Variants in RAPGEFL1 observed in about 807,000 individuals in gnomAD.
RAPGEFL1 encodes rap guanine nucleotide exchange factor-like 1.
Under a neutral mutation model 64.4 loss-of-function variants are expected in RAPGEFL1, and 31 were observed. The observed-to-expected ratio is 0.48, with a 90% CI of 0.36 to 0.65. The LOEUF is 0.65. RAPGEFL1 is among the 30% of genes least tolerant of loss of function. The pLI is 0.00. For missense variants in RAPGEFL1, 682 were observed against 677.4 expected (o/e 1.01, Z -0.08); for synonymous variants, 331 against 274.1 (o/e 1.21, Z -2.05).
At chr17:40,192,584 T>C (rs1249557610) in intron 11 of RAPGEFL1, 22 bp from the exon 12 acceptor site, 1 of 1,595,858 alleles carries the variant, frequency 6.3e-7, no homozygotes, top group Non-Finnish European at 8.6e-7. Context: ...TGTCCCTTGA[T>C]CTCTCTCCTG....
chr17:40,180,103 T>C (rs1989849008), intron 1 of RAPGEFL1, among the ~76,000 whole-genome samples: 1 of 152,164 alleles, frequency 6.6e-6, no homozygotes, highest in Non-Finnish European at 1.5e-5. Flanking sequence ...CTTCCTTTGC[T>C]CCAGCTTAGG....
chr17:40,192,025 C>CCT (rs776818751), intron 10 of RAPGEFL1, among the ~76,000 whole-genome samples, 188 bp from the exon 11 acceptor site: 8 of 152,172 alleles, frequency 5.3e-5, no homozygotes, highest in Non-Finnish European at 7.3e-5. Context: ...ATAATGAATT[C>CCT]CTCTGGGCTG....
chr17:40,187,609 CCAT>C (rs1044830093), intron 4 of RAPGEFL1, among the ~76,000 whole-genome samples: 4 of 151,736 alleles, frequency 2.6e-5, no homozygotes, highest in Non-Finnish European at 4.4e-5. Flanking sequence ...CCTCCTCCCA[CCAT>C]GTTTTCTTTT....
At chr17:40,182,946 G>A (rs1989937897) in intron 2 of RAPGEFL1, among the ~76,000 whole-genome samples, 1 of 152,080 alleles carries the variant, frequency 6.6e-6, no homozygotes, top group Admixed American at 6.6e-5. Context: ...GCAGGAGTTC[G>A]AGATCAGCCT....
At chr17:40,193,261 C>A (rs1990340258) in intron 13 of RAPGEFL1, 102 bp from the exon 14 acceptor site, 2 of 1,309,404 alleles carry the variant, frequency 1.5e-6, no homozygotes, top group Middle Eastern at 2.2e-4. Flanking sequence ...GAATTGGAGA[C>A]TGGAGGGAGT....
rs913901722 is a variant in RAPGEFL1, at chr17:40,191,908, G to A, written c.1605+236G>A. Among the ~76,000 whole-genome samples, 1 of 152,368 alleles carries A rather than the reference G, an allele frequency of 6.6e-6. No homozygotes were observed. Among genetic ancestry groups the A allele is most frequent in the Non-Finnish European group, 1.5e-5 (1 of 68,036 alleles). On this transcript the variant is annotated intron_variant, in intron 10 of 14. Coordinates refer to ENST00000620260, the MANE Select transcript of RAPGEFL1 (RefSeq NM_016339.6). This position sits in a 1 kb window ranked among gnomAD's most constrained non-coding sequence, Gnocchi z 5.1. ...GTCACGGCAGGCAGCCCTTGGCCAG[G>A]TCAGGTCGCAGACTTGGCTGTGGGA...
At chr17:40,190,818 G>T in intron 8 of RAPGEFL1, 56 bp downstream of exon 8, 1 of 1,602,212 alleles carries the variant, frequency 6.2e-7, no homozygotes, top group Non-Finnish European at 8.5e-7. Flanking sequence ...TGTGCCATTG[G>T]GAGACGGTGT....
In RAPGEFL1 at chr17:40,194,294, CT is replaced by C. The variant is rs1990390579; in HGVS notation, c.*510del. 2.5e-5 allele frequency: 3 copies of C among 122,126 alleles called. No individual in the cohort carries two copies. Among genetic ancestry groups the C allele is most frequent in the African/African-American group, 6.7e-5 (2 of 29,744 alleles). The allele number at this position is 122,126 out of a possible 1,614,324, so 7.6% of individuals were successfully genotyped here. On this transcript the variant is annotated 3_prime_UTR_variant, in exon 15 of 15. Coordinates refer to ENST00000620260, the MANE Select transcript of RAPGEFL1 (RefSeq NM_016339.6). ...GTGTGTGTGTGTGTGTGTGTGTCTT[CT>C]TTTAGGGAGCAGGAGTGCATCTGGT...
Position 40,193,778 on chromosome 17 carries a change from ACAGT to A in RAPGEFL1, c.1984_1987del (p.Gln662GlufsTer78). 6.2e-7 allele frequency: 1 copy of A among 1,613,924 alleles called. No individual in the cohort carries two copies. The highest frequency in any genetic ancestry group is 8.5e-7 in the Non-Finnish European group (1 of 1,179,960). ...GAGCTCTCCTACAAGCTGGAGGCAA[ACAGT>A]CAGTGAGAGTGGAGGCTCCAGTCAG... On this transcript the variant is annotated frameshift_variant, in exon 15 of 15. Coordinates refer to ENST00000620260, the MANE Select transcript of RAPGEFL1 (RefSeq NM_016339.6). LOFTEE classifies it high-confidence loss of function.
intron 13 of RAPGEFL1, 93 bp downstream of exon 13, chr17:40,193,083 T>A (rs1027755067): frequency 1.9e-5 from 24 of 1,241,828 alleles, no homozygotes; most frequent in Non-Finnish European, 2.6e-5. Flanking sequence ...GCAGCCTTCC[T>A]CCAAGTGCCC....
chr17:40,187,904 C>T (rs1370179440), intron 4 of RAPGEFL1, among the ~76,000 whole-genome samples: 13 of 148,288 alleles, frequency 8.8e-5, no homozygotes, highest in Non-Finnish European at 7.4e-5. Context: ...TGAGCCACCG[C>T]GCCTGGCCTT....
intron 6 of RAPGEFL1, among the ~76,000 whole-genome samples, chr17:40,189,828 C>T (rs1397613013): frequency 2.0e-5 from 3 of 151,684 alleles, no homozygotes; most frequent in East Asian, 1.9e-4. Context: ...TGGTGGTGTG[C>T]ACCTGTAATC....
chr17:40,187,008 G>T (rs1055840477), intron 4 of RAPGEFL1, among the ~76,000 whole-genome samples: 25 of 151,276 alleles, frequency 1.7e-4, no homozygotes, highest in African/African-American at 6.1e-4. Context: ...TTTTTTAATA[G>T]AGACGGTTTC....
Position 40,177,691 on chromosome 17 carries a change from C to CACTGGA in RAPGEFL1, c.-170_-165dup, listed in dbSNP as rs1408613684. On this transcript the variant is annotated 5_prime_UTR_variant, in exon 1 of 15. Coordinates refer to ENST00000620260, the MANE Select transcript of RAPGEFL1 (RefSeq NM_016339.6). ...TCTGGCACCTCCCCCGGCTACTGGC[C>CACTGGA]ACTGGACTCTGGCCAGCGAGGCTCG... 2 of 413,172 alleles carry CACTGGA rather than the reference C, an allele frequency of 4.8e-6. No individual in the cohort carries two copies. The highest frequency in any genetic ancestry group is 8.4e-6 in the Non-Finnish European group (2 of 238,178). 25.6% of individuals were successfully genotyped at this position (413,172 alleles called of 1,614,324 possible). A position where few individuals can be genotyped will look rare whatever the true frequency, so the allele number is the denominator to read the frequency against.
rs888585679 is a variant in RAPGEFL1, at chr17:40,188,514, T to C, written c.834-352T>C. 9.9e-6 allele frequency: 3 copies of C among 302,274 alleles called. No individual in the cohort carries two copies. The Admixed American group carries it at 1.4e-4, about 14-fold the overall frequency. 18.7% of individuals were successfully genotyped at this position (302,274 alleles called of 1,614,324 possible). A position where few individuals can be genotyped will look rare whatever the true frequency, so the allele number is the denominator to read the frequency against. Reference sequence around the variant, plus strand: ...TAGGCCCTGGTGGATGAAAAGATACTCAGTAAGAACCAAATCCCAGTCCTC... The same window carrying C: ...TAGGCCCTGGTGGATGAAAAGATACCCAGTAAGAACCAAATCCCAGTCCTC... On this transcript the variant is annotated intron_variant, in intron 4 of 14. Transcript: ENST00000620260.
chr17:40,185,387 G>A (rs1048262857), intron 4 of RAPGEFL1, among the ~76,000 whole-genome samples: 2 of 151,928 alleles, frequency 1.3e-5, no homozygotes, highest in Admixed American at 1.3e-4. Flanking sequence ...TGTAGTAAAA[G>A]GTAGTAAAAT....
chr17:40,181,316 T>C (rs1567691081), intron 1 of RAPGEFL1: 2 of 536,864 alleles, frequency 3.7e-6, no homozygotes, highest in Non-Finnish European at 7.2e-6. Context: ...TCAACCTTGG[T>C]GTGTTATCTG....
chr17:40,177,035 T>A (rs1195580393), upstream of RAPGEFL1: 1 of 701,328 alleles, frequency 1.4e-6, no homozygotes. Flanking sequence ...AGAGGACAGA[T>A]GGGCACCGCC....
At chr17:40,188,262 C>T (rs1049908954) in intron 4 of RAPGEFL1, among the ~76,000 whole-genome samples, 2 of 152,128 alleles carry the variant, frequency 1.3e-5, no homozygotes, top group East Asian at 3.8e-4. Context: ...GGTCAAATGC[C>T]ATCTTCTCAA....
Sources: allele counts gnomAD v4.1 joint callset (sites outside exome capture counted in the v4.1 genomes callset), GRCh38; gene constraint gnomAD v4.1.1; non-coding constraint Gnocchi (gnomAD v3.1); transcripts MANE v1.5; gene names NCBI Gene and HGNC (gene_info 2026-07-23, HGNC 2026-07-21).